SCN3A: variants seen among roughly 807,000 people sequenced by gnomAD.
SCN3A encodes the protein sodium voltage-gated channel alpha subunit 3.
Under a neutral mutation model 187.6 loss-of-function variants are expected in SCN3A, and 60 were observed. The observed-to-expected ratio is 0.32, with a 90% CI of 0.26 to 0.40. The LOEUF is 0.40. SCN3A is among the 10% of genes least tolerant of loss of function. The probability of loss-of-function intolerance (pLI) is 1.00; values close to 1 mark genes in which losing one functional copy is unlikely to be tolerated. For synonymous variants in SCN3A, 788 were observed against 829.2 expected, an observed-to-expected ratio of 0.95 and a Z score of 0.85; for missense variants, 1,601 against 2,428.2, an observed-to-expected ratio of 0.66 and a Z score of 7.16.
At chr2:165,153,712 G>A (rs1688835996) in intron 11 of SCN3A, among the ~76,000 whole-genome samples, 1 of 152,002 alleles carries the variant, frequency 6.6e-6, no homozygotes, top group East Asian at 1.9e-4. Context: ...AAAAAGACTG[G>A]CCATACCAAA....
chr2:165,105,371 G>T (rs1267911645), intron 21 of SCN3A, among the ~76,000 whole-genome samples: 1 of 152,084 alleles, frequency 6.6e-6, no homozygotes, highest in African/African-American at 2.4e-5. Context: ...GTACTGAGGG[G>T]CTTAAATAGC....
At chr2:165,109,418 G>A (rs1686012182) in intron 21 of SCN3A, among the ~76,000 whole-genome samples, 1 of 152,104 alleles carries the variant, frequency 6.6e-6, no homozygotes. Flanking sequence ...CATCTCAAAT[G>A]AATATATATC....
At chr2:165,153,987 A>ATTTTTTCTTTT (rs1688855980) in intron 11 of SCN3A, among the ~76,000 whole-genome samples, 1 of 92,770 alleles carries the variant, frequency 1.1e-5, no homozygotes, top group Non-Finnish European at 1.9e-5. Context: ...TATAGCAAAC[A>ATTTTTTCTTTT]TTTTTTTTTT....
Position 165,111,981 on chromosome 2 carries a change from G to A in SCN3A, c.3843+904C>T, listed in dbSNP as rs73969185. On this transcript the variant is annotated intron_variant, in intron 21 of 27. Coordinates refer to ENST00000283254, the MANE Select transcript of SCN3A (RefSeq NM_006922.4). The stretch of plus-strand genomic sequence containing the variant: ...GTAGAATCTGGATAGACCCAGACTC[G>A]TCAAAAATGAGAAAAAGAACGAGGC... 2.6e-3 allele frequency among the ~76,000 whole-genome samples: 394 copies of A among 152,276 alleles called. 1 individual carries two copies. The highest frequency in any genetic ancestry group is 9.0e-3 in the African/African-American group (373 of 41,560).
chr2:165,121,236 G>T (rs1686660667), intron 18 of SCN3A, among the ~76,000 whole-genome samples: 1 of 152,114 alleles, frequency 6.6e-6, no homozygotes, highest in Non-Finnish European at 1.5e-5. Context: ...GAAACTGAAA[G>T]CTAGAGTCAT....
intron 2 of SCN3A, among the ~76,000 whole-genome samples, chr2:165,178,909 T>A (rs1010296684): frequency 1.3e-5 from 2 of 152,174 alleles, no homozygotes; most frequent in Non-Finnish European, 2.9e-5. Context: ...TCAATCCAAC[T>A]CTAAGCTGTG....
At chr2:165,126,572 C>T (rs899234140) in intron 18 of SCN3A, among the ~76,000 whole-genome samples, 3 of 137,896 alleles carry the variant, frequency 2.2e-5, no homozygotes, top group African/African-American at 8.0e-5. Flanking sequence ...TTTCCCCTTC[C>T]TTCCTCCCTC....
chr2:165,160,930 C>T (rs2014199), intron 9 of SCN3A, among the ~76,000 whole-genome samples: 82,345 of 151,220 alleles, frequency 0.54, 22,586 homozygotes, highest in Middle Eastern at 0.58. Context: ...TGTGAGCCAC[C>T]GCTCCCAGCC....
chr2:165,103,837 T>C (rs898160671), intron 21 of SCN3A, among the ~76,000 whole-genome samples: 1 of 152,298 alleles, frequency 6.6e-6, no homozygotes, highest in East Asian at 1.9e-4. Flanking sequence ...ATTCTGATGA[T>C]ATATTTCAAT....
At chr2:165,123,114 AAAAC>A (rs145613983) in intron 18 of SCN3A, among the ~76,000 whole-genome samples, 15,533 of 152,182 alleles carry the variant, frequency 0.1, 963 homozygotes, top group Non-Finnish European at 0.14. Flanking sequence ...AAAAAATATA[AAAAC>A]AAACAAATTC....
chr2:165,148,212 G>T (rs1383391746), intron 11 of SCN3A, among the ~76,000 whole-genome samples: 1 of 150,596 alleles, frequency 6.6e-6, no homozygotes, highest in Admixed American at 6.6e-5. Flanking sequence ...CTGGGGTGGG[G>T]GTGGGGGAAG....
intron 10 of SCN3A, among the ~76,000 whole-genome samples, chr2:165,155,022 AC>A (rs749185279): frequency 2.6e-5 from 4 of 152,124 alleles, no homozygotes; most frequent in Non-Finnish European, 5.9e-5. Flanking sequence ...TATTCTCCAT[AC>A]CATCTATAGA....
At chr2:165,131,177 A>G in intron 16 of SCN3A, 67 bp downstream of exon 16, 1 of 980,162 alleles carries the variant, frequency 1.0e-6, no homozygotes, top group East Asian at 2.8e-5. Context: ...TTATATAAAT[A>G]TACATTGATT....
intron 2 of SCN3A, among the ~76,000 whole-genome samples, chr2:165,181,212 C>T (rs531450167): frequency 2.0e-5 from 3 of 152,208 alleles, no homozygotes; most frequent in Admixed American, 6.5e-5. Context: ...AGAATTTTCA[C>T]GCATATGTGT....
At chr2:165,095,391 C>T in intron 25 of SCN3A, 120 bp downstream of exon 25, 1 of 1,043,396 alleles carries the variant, frequency 9.6e-7, no homozygotes, top group Non-Finnish European at 1.4e-6. Flanking sequence ...ACCACATGGG[C>T]AACTGAAAAT....
intron 18 of SCN3A, among the ~76,000 whole-genome samples, chr2:165,126,498 C>A (rs1042825590): frequency 6.5e-5 from 9 of 139,056 alleles, no homozygotes; most frequent in African/African-American, 2.4e-4. Flanking sequence ...TTCTTTCTTT[C>A]TTTCCTTCTT....
intron 12 of SCN3A, among the ~76,000 whole-genome samples, chr2:165,143,745 G>A (rs987926635): frequency 4.6e-5 from 7 of 152,118 alleles, no homozygotes; most frequent in Non-Finnish European, 8.8e-5. Flanking sequence ...GTTCCCAGAA[G>A]ATAAATGTAG....
At chr2:165,145,965 A>G (rs1276949194) in intron 12 of SCN3A, among the ~76,000 whole-genome samples, 1 of 152,196 alleles carries the variant, frequency 6.6e-6, no homozygotes, top group East Asian at 1.9e-4. Context: ...TTACTAATCC[A>G]TAAAACTTAC....
Position 165,123,695 on chromosome 2 carries a change from G to A in SCN3A, c.3393+3936C>T, listed in dbSNP as rs145766152. 3.7e-3 allele frequency among the ~76,000 whole-genome samples: 564 copies of A among 152,228 alleles called. 6 individuals are homozygous for A. The highest frequency in any genetic ancestry group is 0.02 in the East Asian group (106 of 5,182). On this transcript the variant is annotated intron_variant, in intron 18 of 27. Coordinates refer to ENST00000283254, the MANE Select transcript of SCN3A (RefSeq NM_006922.4). ...TGGATATGTTATTTTAAATGTGTTCGTGTGTGTGATAGCTATTAAAAGGGA... is the reference window on the plus strand; with the variant it reads ...TGGATATGTTATTTTAAATGTGTTCATGTGTGTGATAGCTATTAAAAGGGA...
Sources: gnomAD v4.1 joint callset for allele counts (sites outside exome capture counted in the v4.1 genomes callset) on GRCh38, gnomAD v4.1.1 for gene constraint, MANE v1.5 for transcripts, NCBI Gene and HGNC (gene_info 2026-07-23, HGNC 2026-07-21) for gene names.